Variants in LRRC4C observed in about 807,000 individuals in gnomAD.
LRRC4C encodes leucine-rich repeat-containing protein 4C.
A neutral mutation model predicts 33.6 loss-of-function variants in LRRC4C; 5 were observed. That is an observed-to-expected ratio of 0.15 (90% confidence interval 0.08 to 0.31). LRRC4C has a LOEUF of 0.31. Among genes scored for constraint, LRRC4C ranks in the 10% least tolerant of loss-of-function variants. The probability of loss-of-function intolerance (pLI) is 1.00; values close to 1 mark genes in which losing one functional copy is unlikely to be tolerated. For missense variants in LRRC4C, 560 were observed against 796.7 expected (o/e 0.70, Z 3.58); for synonymous variants, 329 against 302.0 (o/e 1.09, Z -0.93).
intron 1 of LRRC4C, among the ~76,000 whole-genome samples, chr11:41,101,541 T>C (rs1415446714): frequency 6.6e-6 from 1 of 152,196 alleles, no homozygotes; most frequent in East Asian, 1.9e-4. Flanking sequence ...GCTTATACAC[T>C]GTTGGTGGGA....
chr11:40,625,431 G>A (rs1270056067), intron 3 of LRRC4C, among the ~76,000 whole-genome samples: 1 of 152,158 alleles, frequency 6.6e-6, no homozygotes, highest in Non-Finnish European at 1.5e-5. Flanking sequence ...GCAAGAGAGT[G>A]TGTGCAGGGG....
At chr11:41,252,684 C>CA (rs1465688705) in intron 1 of LRRC4C, among the ~76,000 whole-genome samples, 1 of 152,088 alleles carries the variant, frequency 6.6e-6, no homozygotes, top group African/African-American at 2.4e-5. Context: ...CTAATAAAGA[C>CA]ATACTTGAGA....
At chr11:40,635,625 CA>C (rs1411860847) in intron 3 of LRRC4C, among the ~76,000 whole-genome samples, 2 of 140,812 alleles carry the variant, frequency 1.4e-5, no homozygotes, top group African/African-American at 5.2e-5. Flanking sequence ...GAAAAAGAAC[CA>C]AATTTTTTTT....
chr11:40,875,285 G>A (rs968507205), intron 2 of LRRC4C, among the ~76,000 whole-genome samples: 4 of 152,030 alleles, frequency 2.6e-5, no homozygotes, highest in South Asian at 2.1e-4. Context: ...TACAAATGAG[G>A]TGACATTGTC....
intron 1 of LRRC4C, among the ~76,000 whole-genome samples, chr11:41,290,257 C>A (rs1016573615): frequency 6.6e-6 from 1 of 151,992 alleles, no homozygotes; most frequent in Non-Finnish European, 1.5e-5. Context: ...AATGACAGGG[C>A]AATAATGGCT....
At chr11:40,499,430 A>T (rs1476016411) in intron 3 of LRRC4C, among the ~76,000 whole-genome samples, 1 of 152,206 alleles carries the variant, frequency 6.6e-6, no homozygotes, top group African/African-American at 2.4e-5. Flanking sequence ...ATCTTTGGGT[A>T]AAAATGGCCA....
chr11:40,450,137 G>A (rs1001525934), intron 3 of LRRC4C, among the ~76,000 whole-genome samples: 3 of 152,214 alleles, frequency 2.0e-5, no homozygotes, highest in Non-Finnish European at 4.4e-5. Context: ...ATAGGGCAAA[G>A]GTCATGAAGA....
chr11:40,746,263 C>T (rs1948414200), intron 2 of LRRC4C, among the ~76,000 whole-genome samples: 1 of 152,134 alleles, frequency 6.6e-6, no homozygotes, highest in Admixed American at 6.5e-5. Context: ...GGCACCGCTT[C>T]AGGAAAGGAG....
At chr11:40,965,504 C>T (rs1224668989) in intron 1 of LRRC4C, among the ~76,000 whole-genome samples, 1 of 152,110 alleles carries the variant, frequency 6.6e-6, no homozygotes, top group Non-Finnish European at 1.5e-5. Flanking sequence ...GGTTTGAGGT[C>T]TGACATTTAA....
At chr11:40,952,608 G>A (rs1958745651) in intron 1 of LRRC4C, among the ~76,000 whole-genome samples, 1 of 151,858 alleles carries the variant, frequency 6.6e-6, no homozygotes, top group African/African-American at 2.4e-5. Flanking sequence ...AAAGCCCACT[G>A]GATATGTATA....
chr11:40,331,733 A>C, intron 3 of LRRC4C, among the ~76,000 whole-genome samples: 1 of 152,148 alleles, frequency 6.6e-6, no homozygotes, highest in East Asian at 1.9e-4. Context: ...AGATATCAGA[A>C]CTTCTGGTTC....
intron 2 of LRRC4C, among the ~76,000 whole-genome samples, chr11:40,841,112 T>G (rs1254854984): frequency 6.6e-6 from 1 of 152,226 alleles, no homozygotes; most frequent in Non-Finnish European, 1.5e-5. Flanking sequence ...CATCTAATTA[T>G]TTAAAACATT....
chr11:40,270,135 T>C (rs1247296055), intron 4 of LRRC4C, among the ~76,000 whole-genome samples: 2 of 152,148 alleles, frequency 1.3e-5, no homozygotes, highest in South Asian at 4.1e-4. Flanking sequence ...ATTTCTTATG[T>C]TAATGGTAGC....
intron 3 of LRRC4C, among the ~76,000 whole-genome samples, chr11:40,645,799 C>A (rs72894608): frequency 0.19 from 28,918 of 152,054 alleles, 2,824 homozygotes; most frequent in African/African-American, 0.2. Flanking sequence ...TGGGGTACAG[C>A]CCCAGCTGGC....
intron 2 of LRRC4C, among the ~76,000 whole-genome samples, chr11:40,890,933 C>CT (rs1955677781): frequency 6.6e-6 from 1 of 152,118 alleles, no homozygotes; most frequent in South Asian, 2.1e-4. Context: ...AAATTTACAG[C>CT]TAGGTCTCTT....
intron 1 of LRRC4C, among the ~76,000 whole-genome samples, chr11:41,373,455 A>G (rs1952825930): frequency 6.6e-6 from 1 of 152,190 alleles, no homozygotes; most frequent in Non-Finnish European, 1.5e-5. Flanking sequence ...AGATAATTGA[A>G]GTCTTCCCTA....
At chr11:40,534,586 C>A (rs1433710197) in intron 3 of LRRC4C, among the ~76,000 whole-genome samples, 1 of 152,112 alleles carries the variant, frequency 6.6e-6, no homozygotes, top group Non-Finnish European at 1.5e-5. Context: ...ATGGCCCATG[C>A]CTGCCACATA....
At chr11:41,139,720 A>T (rs577101647) in intron 1 of LRRC4C, among the ~76,000 whole-genome samples, 2 of 149,888 alleles carry the variant, frequency 1.3e-5, no homozygotes, top group South Asian at 4.3e-4. Flanking sequence ...TTTTTTTTAA[A>T]GCAGTTGGAT....
Position 41,178,549 on chromosome 11 carries a change from G to T in LRRC4C, c.-495-244826C>A, listed in dbSNP as rs114400986. 2.8e-3 allele frequency among the ~76,000 whole-genome samples: 427 copies of T among 152,118 alleles called. 4 individuals carry two copies. Among genetic ancestry groups the T allele is most frequent in the African/African-American group, 9.4e-3 (389 of 41,490 alleles). On this transcript the variant is annotated intron_variant, in intron 1 of 6. Transcript: ENST00000528697. Reference sequence around the variant, plus strand: ...TTGTACTTTTTTTTGTAGAAACAGGGTCTTGCCATGTTGACCAGGCCAGTC... The same window carrying T: ...TTGTACTTTTTTTTGTAGAAACAGGTTCTTGCCATGTTGACCAGGCCAGTC...
Sources: gnomAD v4.1 joint callset for allele counts (sites outside exome capture counted in the v4.1 genomes callset) on GRCh38, gnomAD v4.1.1 for gene constraint, MANE v1.5 for transcripts, NCBI Gene and HGNC (gene_info 2026-07-23, HGNC 2026-07-21) for gene names.